SIK3: variants seen among roughly 807,000 people sequenced by gnomAD.
SIK3 encodes the protein serine/threonine-protein kinase SIK3.
Under a neutral mutation model 144.2 loss-of-function variants are expected in SIK3, and 28 were observed. The observed-to-expected ratio is 0.19, with a 90% CI of 0.14 to 0.27. The LOEUF (loss-of-function observed/expected upper bound fraction) is 0.27, where lower values mean the gene tolerates loss of function less well. Among genes scored for constraint, SIK3 ranks in the 10% least tolerant of loss-of-function variants. SIK3 has a pLI of 1.00. For missense variants in SIK3, 1,319 were observed against 1,776.0 expected (o/e 0.74, Z 4.62); for synonymous variants, 686 against 676.3 (o/e 1.01, Z -0.22).
At chr11:117,061,974 A>G (rs965273640) in intron 1 of SIK3, among the ~76,000 whole-genome samples, 1 of 152,168 alleles carries the variant, frequency 6.6e-6, no homozygotes, top group African/African-American at 2.4e-5. Flanking sequence ...ACCGTTTCAA[A>G]TAAGTGAGTA....
chr11:116,861,772 CA>C, intron 18 of SIK3, 68 bp downstream of exon 18: 1 of 1,007,212 alleles, frequency 9.9e-7, no homozygotes, highest in East Asian at 2.5e-5. Flanking sequence ...CCATATCTCC[CA>C]GTGAGTCAAG....
chr11:117,088,432 C>G (rs1443082127), intron 1 of SIK3, among the ~76,000 whole-genome samples: 6 of 152,104 alleles, frequency 3.9e-5, no homozygotes, highest in Admixed American at 3.9e-4. Flanking sequence ...TCTTTAACAT[C>G]TTAACTATAG....
intron 1 of SIK3, among the ~76,000 whole-genome samples, chr11:116,988,242 C>T (rs1565530469): frequency 6.6e-6 from 1 of 151,944 alleles, no homozygotes. Flanking sequence ...AAAAAATTAG[C>T]CGGCACGGTG....
chr11:116,889,726 T>C (rs1223044799), intron 6 of SIK3, among the ~76,000 whole-genome samples: 2 of 152,036 alleles, frequency 1.3e-5, no homozygotes, highest in Admixed American at 1.3e-4. Context: ...TAAGATCCCA[T>C]CTCTACAAAA....
In SIK3 at chr11:117,023,621, A is replaced by AATATATAT. The variant is rs1555131639; in HGVS notation, c.274-66565_274-66558dup. On this transcript the variant is annotated intron_variant, in intron 1 of 24. Transcript: ENST00000445177. ...ACAAACAAACAAACAAAAAAAAAAA[A>AATATATAT]ATATATATATATATATATATATATT... is the stretch of plus-strand genomic sequence containing the variant. 1.1e-3 allele frequency among the ~76,000 whole-genome samples: 109 copies of AATATATAT among 95,350 alleles called. 2 individuals carry two copies. Among genetic ancestry groups the AATATATAT allele is most frequent in the African/African-American group, 4.1e-3 (94 of 22,972 alleles). 62.6% of individuals were successfully genotyped at this position (95,350 alleles called of 152,430 possible).
At chr11:117,019,048 C>A (rs1428461799) in intron 1 of SIK3, among the ~76,000 whole-genome samples, 1 of 147,484 alleles carries the variant, frequency 6.8e-6, no homozygotes, top group Admixed American at 6.9e-5. Context: ...GAGACAGAGT[C>A]TTACTCTGTG....
At chr11:116,941,516 C>T (rs2135276286) in intron 3 of SIK3, among the ~76,000 whole-genome samples, 1 of 151,744 alleles carries the variant, frequency 6.6e-6, no homozygotes, top group Non-Finnish European at 1.5e-5. Flanking sequence ...CTATGTGAAA[C>T]ACTTAACACA....
intron 4 of SIK3, among the ~76,000 whole-genome samples, chr11:116,898,997 T>C (rs959891775): frequency 6.7e-5 from 10 of 149,682 alleles, no homozygotes; most frequent in African/African-American, 9.8e-5. Flanking sequence ...TTGTCAATTT[T>C]GGCTTTTGTT....
intron 1 of SIK3, among the ~76,000 whole-genome samples, chr11:117,047,189 T>G (rs1393807708): frequency 6.6e-6 from 1 of 152,220 alleles, no homozygotes; most frequent in African/African-American, 2.4e-5. Flanking sequence ...ATGCAAATGT[T>G]ACAAATTTTG....
chr11:117,020,912 G>A (rs1431213807), intron 1 of SIK3, among the ~76,000 whole-genome samples: 2 of 152,182 alleles, frequency 1.3e-5, no homozygotes, highest in East Asian at 3.9e-4. Context: ...TAGCCAGCAG[G>A]TCAGAAGCAC....
intron 4 of SIK3, among the ~76,000 whole-genome samples, chr11:116,909,349 A>C (rs182058833): frequency 6.6e-6 from 1 of 152,058 alleles, no homozygotes; most frequent in Non-Finnish European, 1.5e-5. Context: ...AGTAGAGCAC[A>C]TAAGTGATTA....
chr11:116,930,178 C>T (rs1044009741), intron 3 of SIK3, among the ~76,000 whole-genome samples: 2 of 152,004 alleles, frequency 1.3e-5, no homozygotes, highest in Admixed American at 6.6e-5. Flanking sequence ...CTGTGCTCTT[C>T]ACATGCAAGC....
At chr11:116,964,813 C>G (rs891663649) in intron 1 of SIK3, among the ~76,000 whole-genome samples, 1 of 151,992 alleles carries the variant, frequency 6.6e-6, no homozygotes, top group African/African-American at 2.4e-5. Flanking sequence ...ACCCAGGAGG[C>G]GGAGGTTGCA....
chr11:117,071,762 T>G (rs1430880686), intron 1 of SIK3, among the ~76,000 whole-genome samples: 1 of 150,916 alleles, frequency 6.6e-6, no homozygotes, highest in Non-Finnish European at 1.5e-5. Flanking sequence ...ACTACAGATG[T>G]GTGCCACCAT....
intron 1 of SIK3, among the ~76,000 whole-genome samples, chr11:117,079,095 AT>A (rs1954674947): frequency 6.6e-6 from 1 of 152,200 alleles, no homozygotes; most frequent in Non-Finnish European, 1.5e-5. Flanking sequence ...AGTTAAATGA[AT>A]GTTTCCAAAG....
intron 1 of SIK3, among the ~76,000 whole-genome samples, chr11:117,022,514 C>A (rs1329713988): frequency 6.6e-6 from 1 of 152,104 alleles, no homozygotes; most frequent in East Asian, 1.9e-4. Context: ...AAATCAAATA[C>A]CCATGGGGCT....
At chr11:117,036,676 G>A (rs1952520118) in intron 1 of SIK3, among the ~76,000 whole-genome samples, 1 of 152,142 alleles carries the variant, frequency 6.6e-6, no homozygotes, top group Non-Finnish European at 1.5e-5. Context: ...AATTCTTCCA[G>A]AACTGCTACA....
chr11:116,863,483 C>T (rs529925220), intron 16 of SIK3, among the ~76,000 whole-genome samples, 185 bp downstream of exon 16: 18 of 152,312 alleles, frequency 1.2e-4, no homozygotes, highest in Admixed American at 9.8e-4. Context: ...CCCACGTTGG[C>T]CTCCCAAAGT....
At chr11:116,993,977 T>C (rs1209873683) in intron 1 of SIK3, among the ~76,000 whole-genome samples, 2 of 152,228 alleles carry the variant, frequency 1.3e-5, no homozygotes, top group African/African-American at 4.8e-5. Context: ...GCATGTATTC[T>C]TTCAGAGAGC....
Sources: allele counts gnomAD v4.1 joint callset (sites outside exome capture counted in the v4.1 genomes callset), GRCh38; gene constraint gnomAD v4.1.1; transcripts MANE v1.5; gene names NCBI Gene and HGNC (gene_info 2026-07-23, HGNC 2026-07-21).